APAF1: variants seen among roughly 807,000 people sequenced by gnomAD.
APAF1 encodes the protein apoptotic protease-activating factor 1.
Under a neutral mutation model 152.4 loss-of-function variants are expected in APAF1, and 91 were observed. That is an observed-to-expected ratio of 0.60 (90% CI 0.50 to 0.71). The LOEUF (loss-of-function observed/expected upper bound fraction) is 0.71. APAF1 is among the 30% of genes least tolerant of loss of function. The pLI is 0.00. For synonymous variants in APAF1, 484 were observed against 494.1 expected (o/e 0.98, Z 0.27); for missense variants, 1,283 against 1,472.0 (o/e 0.87, Z 2.10).
intron 16 of APAF1, among the ~76,000 whole-genome samples, chr12:98,692,491 G>T (rs895492073): frequency 1.3e-5 from 2 of 152,174 alleles, no homozygotes; most frequent in African/African-American, 4.8e-5. Flanking sequence ...CGAGGTTTGG[G>T]TACAACTGGT....
intron 16 of APAF1, among the ~76,000 whole-genome samples, chr12:98,698,578 C>G (rs17028634): frequency 6.6e-6 from 1 of 152,074 alleles, no homozygotes. Flanking sequence ...TCTTTTTACT[C>G]GAGAGATTTG....
At chr12:98,666,682 TG>T (rs2153317661) in intron 9 of APAF1, among the ~76,000 whole-genome samples, 1 of 152,320 alleles carries the variant, frequency 6.6e-6, no homozygotes, top group East Asian at 1.9e-4. Context: ...TTATCTTTCA[TG>T]GCCTTGTCAC....
chr12:98,683,942 T>C (rs1371514802), intron 15 of APAF1, among the ~76,000 whole-genome samples: 1 of 152,234 alleles, frequency 6.6e-6, no homozygotes, highest in Non-Finnish European at 1.5e-5. Flanking sequence ...TAATGTTTGA[T>C]TGTATCTTTT....
intron 5 of APAF1, among the ~76,000 whole-genome samples, chr12:98,661,813 A>G (rs1408202043): frequency 6.6e-6 from 1 of 151,850 alleles, no homozygotes; most frequent in African/African-American, 2.4e-5. Flanking sequence ...ATGTTATTGT[A>G]TAATTATGCT....
At chr12:98,704,435 A>T (rs559923866) in intron 18 of APAF1, among the ~76,000 whole-genome samples, 2 of 152,332 alleles carry the variant, frequency 1.3e-5, no homozygotes, top group South Asian at 4.1e-4. Context: ...GGGAGCCATG[A>T]CTACTGCAAG....
intron 12 of APAF1, among the ~76,000 whole-genome samples, chr12:98,672,360 TC>T (rs2097681320): frequency 6.6e-6 from 1 of 152,098 alleles, no homozygotes; most frequent in African/African-American, 2.4e-5. Context: ...AGATGGGGTT[TC>T]GTCATGTTGG....
At chr12:98,705,542 T>C (rs573140220) in intron 18 of APAF1, among the ~76,000 whole-genome samples, 1 of 152,348 alleles carries the variant, frequency 6.6e-6, no homozygotes, top group East Asian at 1.9e-4. Context: ...ACTTGTTTTG[T>C]CCATGCTAGT....
chr12:98,712,175 T>C (rs2097728592), intron 20 of APAF1, 144 bp from the exon 21 acceptor site: 2 of 684,320 alleles, frequency 2.9e-6, no homozygotes, highest in Admixed American at 4.2e-5. Context: ...CTGCTAAGAC[T>C]AGGATATGGC....
At chr12:98,667,473 AAATT>A in intron 9 of APAF1, 36 bp from the exon 10 acceptor site, 1 of 1,608,576 alleles carries the variant, frequency 6.2e-7, no homozygotes, top group Non-Finnish European at 8.5e-7. Context: ...TTAGGTTATA[AAATT>A]GTTTCTGGCT....
intron 14 of APAF1, among the ~76,000 whole-genome samples, chr12:98,682,059 T>TG: frequency 6.7e-6 from 1 of 149,404 alleles, no homozygotes; most frequent in African/African-American, 2.5e-5. Flanking sequence ...TTTGTTTTTT[T>TG]TTTTTTTTTT....
At chr12:98,731,764 T>C (rs1193065499) in intron 26 of APAF1, among the ~76,000 whole-genome samples, 8 of 152,194 alleles carry the variant, frequency 5.3e-5, no homozygotes, top group African/African-American at 1.4e-4. Context: ...TGGGTAAACT[T>C]TATGATTCCC....
At chr12:98,665,912 G>A in intron 8 of APAF1, 121 bp downstream of exon 8, 1 of 898,230 alleles carries the variant, frequency 1.1e-6, no homozygotes, top group Non-Finnish European at 1.8e-6. Context: ...AGGTGGTGGG[G>A]TGTTGGGTGT....
At chr12:98,711,523 T>G (rs919611718) in intron 20 of APAF1, among the ~76,000 whole-genome samples, 1 of 152,224 alleles carries the variant, frequency 6.6e-6, no homozygotes, top group Non-Finnish European at 1.5e-5. Flanking sequence ...AAGGAAAAAC[T>G]ACCTGTGATT....
At chr12:98,668,881 T>C (rs2097676698) in intron 10 of APAF1, among the ~76,000 whole-genome samples, 2 of 152,178 alleles carry the variant, frequency 1.3e-5, no homozygotes, top group Non-Finnish European at 2.9e-5. Flanking sequence ...GGGAGAATTA[T>C]AGATGAAAGA....
intron 18 of APAF1, among the ~76,000 whole-genome samples, chr12:98,705,671 A>G (rs967448520): frequency 1.6e-4 from 25 of 152,244 alleles, no homozygotes; most frequent in Admixed American, 3.9e-4. Context: ...AGGATAAAAT[A>G]CCAGGCTGCT....
At chr12:98,692,525 C>T (rs2097705436) in intron 16 of APAF1, among the ~76,000 whole-genome samples, 1 of 152,080 alleles carries the variant, frequency 6.6e-6, no homozygotes, top group Non-Finnish European at 1.5e-5. Context: ...TAGCATAGTA[C>T]CCAATAGGTG....
chr12:98,654,071 T>G (rs1228698014), intron 4 of APAF1, among the ~76,000 whole-genome samples: 1 of 152,124 alleles, frequency 6.6e-6, no homozygotes, highest in South Asian at 2.1e-4. Context: ...AAATACAGCC[T>G]CCTCATGCAA....
At chr12:98,688,085 T>G (rs1219913286) in intron 16 of APAF1, among the ~76,000 whole-genome samples, 1 of 152,212 alleles carries the variant, frequency 6.6e-6, no homozygotes, top group Non-Finnish European at 1.5e-5. Context: ...GCTTTCTTGT[T>G]TTTGAGAAGC....
At chr12:98,693,005 C>G (rs556177872) in intron 16 of APAF1, among the ~76,000 whole-genome samples, 1 of 152,068 alleles carries the variant, frequency 6.6e-6, no homozygotes, top group South Asian at 2.1e-4. Context: ...ACATTCCCAC[C>G]AGCAGTGTAT....
Sources: gnomAD v4.1 joint callset for allele counts (sites outside exome capture counted in the v4.1 genomes callset) on GRCh38, gnomAD v4.1.1 for gene constraint, MANE v1.5 for transcripts, NCBI Gene and HGNC (gene_info 2026-07-23, HGNC 2026-07-21) for gene names.